Variants in ERG observed in about 807,000 individuals in gnomAD.
The protein encoded by ERG is transcriptional regulator ERG.
Under a neutral mutation model 55.3 loss-of-function variants are expected in ERG, and 9 were observed. The ratio of observed to expected loss-of-function variants is 0.16; its 90% confidence interval spans 0.10 to 0.28. The LOEUF (loss-of-function observed/expected upper bound fraction) is 0.28. Ranked by LOEUF, ERG falls within the 10% of genes least tolerant of loss-of-function variation. The pLI is 1.00. For synonymous variants in ERG, 223 were observed against 237.3 expected, an observed-to-expected ratio of 0.94 and a Z score of 0.55; for missense variants, 434 against 631.6, an observed-to-expected ratio of 0.69 and a Z score of 3.35.
intron 2 of ERG, among the ~76,000 whole-genome samples, chr21:38,574,744 G>A (rs2059984368): frequency 2.0e-5 from 3 of 152,064 alleles, no homozygotes; most frequent in Admixed American, 2.0e-4. Flanking sequence ...TAATGTTTTA[G>A]GCAAGGAATA....
intron 1 of ERG, among the ~76,000 whole-genome samples, chr21:38,638,832 C>T (rs865848069): frequency 2.0e-5 from 3 of 152,176 alleles, no homozygotes; most frequent in Non-Finnish European, 4.4e-5. Flanking sequence ...CCTTTCTGAT[C>T]CCCTGCAGCC....
intron 3 of ERG, among the ~76,000 whole-genome samples, chr21:38,415,171 G>A (rs1292410457): frequency 6.6e-6 from 1 of 152,162 alleles, no homozygotes; most frequent in African/African-American, 2.4e-5. Context: ...TCGAATCCTG[G>A]CTCTTCAAAT....
chr21:38,396,318 G>T (rs1411525387), intron 6 of ERG, among the ~76,000 whole-genome samples: 2 of 152,186 alleles, frequency 1.3e-5, no homozygotes, highest in African/African-American at 2.4e-5. Context: ...TATCCCTGTG[G>T]TTATATAAGA....
the ERG span, among the ~76,000 whole-genome samples, chr21:38,369,122 G>T: frequency 2.0e-5 from 3 of 152,168 alleles, no homozygotes; most frequent in Non-Finnish European, 2.9e-5. Context: ...ACTCCTTTGT[G>T]TATATACCCA....
intron 1 of ERG, among the ~76,000 whole-genome samples, chr21:38,656,692 T>C (rs2060521223): frequency 6.6e-6 from 1 of 152,224 alleles, no homozygotes; most frequent in African/African-American, 2.4e-5. Flanking sequence ...AGGACGATAG[T>C]ACTTCACTAA....
intron 1 of ERG, among the ~76,000 whole-genome samples, chr21:38,459,143 C>T (rs1685528854): frequency 6.6e-6 from 1 of 152,152 alleles, no homozygotes; most frequent in South Asian, 2.1e-4. Context: ...TCTTCCAAGC[C>T]ATCACTCAGG....
intron 1 of ERG, among the ~76,000 whole-genome samples, chr21:38,615,206 T>A (rs1435068914): frequency 6.6e-6 from 1 of 152,190 alleles, no homozygotes; most frequent in African/African-American, 2.4e-5. Flanking sequence ...GCAAATAAAC[T>A]GCCTTTAGAA....
intron 2 of ERG, among the ~76,000 whole-genome samples, chr21:38,532,234 A>C (rs2059677509): frequency 6.6e-6 from 1 of 152,090 alleles, no homozygotes; most frequent in South Asian, 2.1e-4. Context: ...AACAAGATAA[A>C]CTGTTATGTG....
chr21:38,385,875 A>G (rs1987670944), intron 9 of ERG, among the ~76,000 whole-genome samples: 1 of 152,202 alleles, frequency 6.6e-6, no homozygotes, highest in East Asian at 1.9e-4. Context: ...AAAGGCATGG[A>G]TTTTTGATTT....
intron 1 of ERG, among the ~76,000 whole-genome samples, chr21:38,491,387 CA>C (rs1568849644): frequency 2.0e-5 from 3 of 151,880 alleles, no homozygotes; most frequent in South Asian, 2.1e-4. Flanking sequence ...ATTTAAAAAA[CA>C]AAAAAACCAG....
At chr21:38,394,167 T>G (rs1425336977) in intron 6 of ERG, among the ~76,000 whole-genome samples, 1 of 152,060 alleles carries the variant, frequency 6.6e-6, no homozygotes, top group African/African-American at 2.4e-5. Context: ...AAAAGCACAT[T>G]AACTAAGGCC....
chr21:38,379,480 G>T (rs972989501), downstream of ERG, among the ~76,000 whole-genome samples: 3 of 151,914 alleles, frequency 2.0e-5, no homozygotes, highest in Non-Finnish European at 4.4e-5. Context: ...CATGCCATGT[G>T]GCTACAGAAC....
chr21:38,399,544 G>A (rs909094256), intron 6 of ERG, among the ~76,000 whole-genome samples: 6 of 152,182 alleles, frequency 3.9e-5, no homozygotes, highest in Non-Finnish European at 7.3e-5. Flanking sequence ...CTGTGAGGCT[G>A]GTACAATGAT....
intron 2 of ERG, among the ~76,000 whole-genome samples, chr21:38,563,680 A>C (rs1160111573): frequency 6.6e-6 from 1 of 152,218 alleles, no homozygotes; most frequent in African/African-American, 2.4e-5. Flanking sequence ...AATTCAGTCA[A>C]CTCGTATATG....
intron 1 of ERG, among the ~76,000 whole-genome samples, chr21:38,488,872 C>T (rs1269696831): frequency 2.6e-5 from 4 of 152,184 alleles, no homozygotes; most frequent in East Asian, 1.9e-4. Flanking sequence ...TAAAAATCAC[C>T]GAGTAGATGA....
At chr21:38,451,230 G>C (rs370376264) in intron 1 of ERG, 1 of 505,222 alleles carries the variant, frequency 2.0e-6, no homozygotes, top group Non-Finnish European at 3.9e-6. Flanking sequence ...GATGGTAAAC[G>C]GAGAGTGCTG....
At chr21:38,404,479 A>G (rs1988665975) in intron 3 of ERG, among the ~76,000 whole-genome samples, 1 of 152,090 alleles carries the variant, frequency 6.6e-6, no homozygotes, top group African/African-American at 2.4e-5. Context: ...CCCGGGGGAG[A>G]AGGAGCAGGT....
intron 1 of ERG, among the ~76,000 whole-genome samples, chr21:38,606,381 G>A (rs897573803): frequency 9.9e-5 from 15 of 152,130 alleles, no homozygotes; most frequent in African/African-American, 3.1e-4. Flanking sequence ...TCTGGCAGAA[G>A]CAAAAATAAA....
At chr21:38,492,180 C>T (rs556370439) in intron 1 of ERG, among the ~76,000 whole-genome samples, 65 of 152,270 alleles carry the variant, frequency 4.3e-4, no homozygotes, top group African/African-American at 1.4e-3. Context: ...TAAGATACTT[C>T]GCCTCTCTAA....
Sources: allele counts gnomAD v4.1 joint callset (sites outside exome capture counted in the v4.1 genomes callset), GRCh38; gene constraint gnomAD v4.1.1; transcripts MANE v1.5; gene names NCBI Gene and HGNC (gene_info 2026-07-23, HGNC 2026-07-21).